DLG2: variants seen among roughly 807,000 people sequenced by gnomAD.
DLG2 encodes disks large homolog 2.
In DLG2, 45 loss-of-function variants were observed where a neutral mutation model predicts 132.5. The ratio of observed to expected loss-of-function variants is 0.34; its 90% CI spans 0.27 to 0.44. The LOEUF (loss-of-function observed/expected upper bound fraction) is 0.44, where lower values mean the gene tolerates loss of function less well. DLG2 is among the 20% of genes least tolerant of loss of function. The pLI is 1.00. For missense variants in DLG2, 1,045 were observed against 1,196.9 expected, an observed-to-expected ratio of 0.87 and a Z score of 1.87; for synonymous variants, 424 against 419.6, an observed-to-expected ratio of 1.01 and a Z score of -0.13.
chr11:84,790,448 T>C (rs2073659208), intron 6 of DLG2, among the ~76,000 whole-genome samples: 1 of 152,212 alleles, frequency 6.6e-6, no homozygotes, highest in Non-Finnish European at 1.5e-5. Flanking sequence ...ATGTTTTCTA[T>C]AGAGTTGTTT....
At chr11:84,002,138 G>A (rs1304480) in intron 11 of DLG2, among the ~76,000 whole-genome samples, 149,747 of 152,310 alleles carry the variant, frequency 0.98, 73,618 homozygotes, top group East Asian at 1. Context: ...TGGTTCTTCA[G>A]AAAGAGAAAA....
At chr11:85,535,312 C>G (rs916588253) in intron 3 of DLG2, among the ~76,000 whole-genome samples, 5 of 151,844 alleles carry the variant, frequency 3.3e-5, no homozygotes, top group African/African-American at 1.2e-4. Flanking sequence ...ATTGCTAGTA[C>G]CATATAATGT....
rs145234838 is a variant in DLG2, at chr11:83,523,650, A to T, written c.2193+9058T>A. Among the ~76,000 whole-genome samples, 27 of 152,324 alleles carry T rather than the reference A, an allele frequency of 1.8e-4. 1 individual carries two copies. In the East Asian group the frequency reaches 4.4e-3, roughly 25 times the overall value. ...TAGGAGCAAATGAGCAATGGTTATA[A>T]AAATAATATGTAGAAAATAACAAAT... On this transcript the variant is annotated intron_variant, in intron 21 of 27. Transcript: ENST00000376104.
Position 84,534,620 on chromosome 11 carries a change from T to C in DLG2, c.469A>G (p.Ile157Val), listed in dbSNP as rs917439511. 1.9e-6 allele frequency: 3 copies of C among 1,613,884 alleles called. No individual in the cohort carries two copies. The highest frequency in any genetic ancestry group is 2.7e-5 in the African/African-American group (2 of 74,868). The stretch of plus-strand genomic sequence containing the variant: ...AAGACATATCCATGGACATTTTCTA[T>C]TTGAGAGAGGTTCTTTTCTGATACA... The part of the protein sequence containing the change: ...VHVSEKNLSQ[I>V]ENVHGYVLQS... Residue 157 changes from isoleucine to valine, a missense_variant, in exon 7 of 28, where the codon ATA becomes GTA. Ile to Val is a conservative substitution (Grantham distance 29, BLOSUM62 3). This residue lies in a region of DLG2 where 277 missense variants were observed against 238.2 expected (regional missense o/e 1.16). Coordinates refer to ENST00000376104, the MANE Select transcript of DLG2 (RefSeq NM_001142699.3).
At chr11:83,745,037 C>T (rs1293318797) in intron 18 of DLG2, among the ~76,000 whole-genome samples, 2 of 152,154 alleles carry the variant, frequency 1.3e-5, no homozygotes, top group Non-Finnish European at 2.9e-5. Context: ...CAGCAATTAG[C>T]GAAAGCAACC....
At chr11:84,650,863 G>A (rs1398583358) in intron 6 of DLG2, among the ~76,000 whole-genome samples, 14 of 92,228 alleles carry the variant, frequency 1.5e-4, no homozygotes, top group Middle Eastern at 5.4e-3. Flanking sequence ...GTGTGTGTGT[G>A]TGTGTGTGTG....
intron 7 of DLG2, among the ~76,000 whole-genome samples, chr11:84,372,444 G>A (rs1023831762): frequency 1.3e-5 from 2 of 152,184 alleles, no homozygotes; most frequent in Non-Finnish European, 2.9e-5. Context: ...AAGACAGAAT[G>A]TGTAAATTAG....
chr11:85,389,792 T>A (rs1471039620), intron 3 of DLG2, among the ~76,000 whole-genome samples: 1 of 152,106 alleles, frequency 6.6e-6, no homozygotes, highest in African/African-American at 2.4e-5. Context: ...GATACAGTCT[T>A]TTTCAGACGA....
intron 4 of DLG2, among the ~76,000 whole-genome samples, chr11:85,184,928 A>T (rs2152519429): frequency 6.6e-6 from 1 of 152,114 alleles, no homozygotes; most frequent in East Asian, 1.9e-4. Context: ...TCAAGTTGTT[A>T]TGGCAACTGG....
intron 7 of DLG2, among the ~76,000 whole-genome samples, chr11:84,500,869 T>C (rs535758070): frequency 6.6e-6 from 1 of 152,332 alleles, no homozygotes; most frequent in South Asian, 2.1e-4. Context: ...CCTAAAACAG[T>C]TCAAAAATTC....
At chr11:85,256,712 C>T (rs911260194) in intron 4 of DLG2, among the ~76,000 whole-genome samples, 6 of 151,978 alleles carry the variant, frequency 3.9e-5, no homozygotes, top group African/African-American at 1.5e-4. Flanking sequence ...ACGCCCCTGT[C>T]GATGTCGTGT....
At chr11:85,460,311 C>T (rs964469923) in intron 3 of DLG2, among the ~76,000 whole-genome samples, 1 of 152,206 alleles carries the variant, frequency 6.6e-6, no homozygotes, top group Non-Finnish European at 1.5e-5. Flanking sequence ...TGGGCAGCAG[C>T]TCTGCCCAGA....
intron 9 of DLG2, among the ~76,000 whole-genome samples, chr11:84,105,200 A>C (rs1318281017): frequency 6.6e-6 from 1 of 152,180 alleles, no homozygotes. Context: ...TCATGAAAAT[A>C]TTTCAAAACA....
chr11:84,923,258 C>G, intron 6 of DLG2: 2 of 1,508,242 alleles, frequency 1.3e-6, no homozygotes, highest in Non-Finnish European at 1.8e-6. Context: ...TCTGTTTTCT[C>G]TGACTACAAA....
At chr11:83,515,198 T>C (rs964171542) in intron 21 of DLG2, among the ~76,000 whole-genome samples, 6 of 152,248 alleles carry the variant, frequency 3.9e-5, no homozygotes, top group African/African-American at 1.4e-4. Context: ...ATTGCCTCAA[T>C]ATCAGATTCT....
At chr11:84,671,523 C>A (rs2099705897) in intron 6 of DLG2, among the ~76,000 whole-genome samples, 1 of 152,158 alleles carries the variant, frequency 6.6e-6, no homozygotes, top group Non-Finnish European at 1.5e-5. Flanking sequence ...GTACAGCCTT[C>A]TGCTCTGGGA....
At chr11:84,802,625 C>T (rs949436819) in intron 6 of DLG2, among the ~76,000 whole-genome samples, 2 of 139,886 alleles carry the variant, frequency 1.4e-5, no homozygotes, top group African/African-American at 5.3e-5. Context: ...ATTAGACAAC[C>T]AGAAACAAGT....
chr11:84,700,668 G>A (rs773078418), intron 6 of DLG2, among the ~76,000 whole-genome samples: 1 of 151,622 alleles, frequency 6.6e-6, no homozygotes, highest in Non-Finnish European at 1.5e-5. Flanking sequence ...ACAGAGAGAG[G>A]TTTGACGGCT....
At chr11:84,867,686 T>C (rs910370067) in intron 6 of DLG2, among the ~76,000 whole-genome samples, 1 of 152,182 alleles carries the variant, frequency 6.6e-6, no homozygotes. Context: ...AGGACTAACA[T>C]GGGCATCAAG....
Sources: gnomAD v4.1 joint callset for allele counts (sites outside exome capture counted in the v4.1 genomes callset) on GRCh38, gnomAD v4.1.1 for gene constraint, gnomAD v4.1.1 regional missense constraint, MANE v1.5 for transcripts, NCBI Gene and HGNC (gene_info 2026-07-23, HGNC 2026-07-21) for gene names.